The following NTRK3 variants were observed in gnomAD, a reference collection of about 807,000 sequenced individuals.
NTRK3 encodes the protein NT-3 growth factor receptor.
A neutral mutation model predicts 91.7 loss-of-function variants in NTRK3; 24 were observed. That is an observed-to-expected ratio of 0.26 (90% CI 0.19 to 0.37). The LOEUF is 0.37. Ranked by LOEUF, NTRK3 falls within the 10% of genes least tolerant of loss-of-function variation. The pLI is 1.00. For synonymous variants in NTRK3, 483 were observed against 404.0 expected, an observed-to-expected ratio of 1.20 and a Z score of -2.34; for missense variants, 880 against 1,068.9, an observed-to-expected ratio of 0.82 and a Z score of 2.46.
chr15:88,130,077 C>G (rs1184636394), intron 10 of NTRK3, among the ~76,000 whole-genome samples: 1 of 152,220 alleles, frequency 6.6e-6, no homozygotes, highest in Non-Finnish European at 1.5e-5. Flanking sequence ...CCTGCCAACA[C>G]CTTTATCTCA....
chr15:88,121,588 G>A (rs143972988), intron 13 of NTRK3, among the ~76,000 whole-genome samples: 1 of 152,312 alleles, frequency 6.6e-6, no homozygotes, highest in African/African-American at 2.4e-5. Flanking sequence ...TTGTTAAAAT[G>A]CTGAAATATT....
At chr15:88,155,196 C>A (rs961461679) in intron 5 of NTRK3, among the ~76,000 whole-genome samples, 2 of 152,116 alleles carry the variant, frequency 1.3e-5, no homozygotes, top group African/African-American at 4.8e-5. Flanking sequence ...CCCATGGTCC[C>A]AAGGTAATCA....
intron 13 of NTRK3, among the ~76,000 whole-genome samples, chr15:88,085,649 G>C (rs1350747014): frequency 1.3e-5 from 2 of 152,192 alleles, no homozygotes; most frequent in East Asian, 3.9e-4. Flanking sequence ...TTACCCAGCA[G>C]TATGCAGTAA....
chr15:88,044,609 T>C (rs1172936158), intron 13 of NTRK3, among the ~76,000 whole-genome samples: 1 of 117,866 alleles, frequency 8.5e-6, no homozygotes, highest in African/African-American at 3.3e-5. Context: ...TACATAATCA[T>C]ACGGCCAAAA....
chr15:87,997,011 AAG>A (rs1369611801), intron 14 of NTRK3, among the ~76,000 whole-genome samples: 10 of 152,326 alleles, frequency 6.6e-5, no homozygotes, highest in African/African-American at 2.4e-4. Flanking sequence ...ATGAGGAGCA[AAG>A]AGTAAGATGT....
intron 14 of NTRK3, among the ~76,000 whole-genome samples, 190 bp from the exon 15 acceptor site, chr15:87,940,943 T>C (rs575870754): frequency 6.6e-6 from 1 of 152,272 alleles, no homozygotes; most frequent in South Asian, 2.1e-4. Context: ...TGGGCCAGAA[T>C]CAAATCTCAA....
intron 14 of NTRK3, among the ~76,000 whole-genome samples, chr15:87,949,283 T>C (rs1190899954): frequency 1.3e-5 from 2 of 151,950 alleles, no homozygotes; most frequent in African/African-American, 4.8e-5. Flanking sequence ...CAAGATCGTA[T>C]TGAACCAGGA....
intron 14 of NTRK3, among the ~76,000 whole-genome samples, chr15:87,967,658 G>A (rs1281499754): frequency 6.6e-6 from 1 of 152,134 alleles, no homozygotes; most frequent in Non-Finnish European, 1.5e-5. Context: ...TGTTCGTGCT[G>A]AGTCTCTTCA....
chr15:88,180,524 T>C (rs988602666), intron 5 of NTRK3, among the ~76,000 whole-genome samples: 8 of 152,052 alleles, frequency 5.3e-5, no homozygotes, highest in Admixed American at 5.2e-4. Context: ...TGAGGAAGAA[T>C]TACACTGATT....
chr15:87,962,644 A>C (rs1247214043), intron 14 of NTRK3, among the ~76,000 whole-genome samples: 1 of 152,148 alleles, frequency 6.6e-6, no homozygotes, highest in Admixed American at 6.5e-5. Context: ...AGCCCAGATC[A>C]GTGGGTTGGC....
chr15:87,899,885 G>A (rs545796863), intron 17 of NTRK3, among the ~76,000 whole-genome samples: 1 of 152,266 alleles, frequency 6.6e-6, no homozygotes, highest in South Asian at 2.1e-4. Flanking sequence ...TTTGATAAGG[G>A]CAAGGAGAAG....
chr15:88,134,287 A>G (rs1200833372), intron 10 of NTRK3, among the ~76,000 whole-genome samples: 2 of 152,202 alleles, frequency 1.3e-5, no homozygotes, highest in African/African-American at 2.4e-5. Context: ...CACTTTCACT[A>G]AACTCTTTTG....
chr15:87,894,774 C>T (rs1252288367), intron 17 of NTRK3, among the ~76,000 whole-genome samples: 1 of 152,204 alleles, frequency 6.6e-6, no homozygotes, highest in Non-Finnish European at 1.5e-5. Context: ...TTAGAAATAG[C>T]AGCCTGGTCT....
chr15:87,899,664 G>A (rs775808830), intron 17 of NTRK3, among the ~76,000 whole-genome samples: 2 of 152,158 alleles, frequency 1.3e-5, no homozygotes, highest in Non-Finnish European at 2.9e-5. Context: ...GGAACACTTT[G>A]CATATTTTAA....
At chr15:88,115,497 C>T (rs1055190683) in intron 13 of NTRK3, among the ~76,000 whole-genome samples, 1 of 152,222 alleles carries the variant, frequency 6.6e-6, no homozygotes, top group Non-Finnish European at 1.5e-5. Flanking sequence ...CGGACGCCCT[C>T]CTTGGGGCTT....
intron 13 of NTRK3, among the ~76,000 whole-genome samples, chr15:88,116,020 G>A (rs2052026079): frequency 6.6e-6 from 1 of 152,182 alleles, no homozygotes; most frequent in Non-Finnish European, 1.5e-5. Context: ...GACTGTCACA[G>A]CAGCTCAAGG....
chr15:88,147,370 C>A lies in NTRK3; in HGVS notation c.429G>T (p.Ser143=), dbSNP rs138266478. The change falls in exon 6 of 19, where the codon TCG becomes TCT. Residue 143 remains serine (S), a synonymous_variant. Transcript: ENST00000394480. ...GACTCAGCGTCTGGAAGAGCTGCCACGAGAGTGTGGTGAGCCGGTTACTTG... is the reference window on the plus strand; with the variant it reads ...GACTCAGCGTCTGGAAGAGCTGCCAAGAGAGTGTGGTGAGCCGGTTACTTG... 7 of 1,613,786 alleles carry A rather than the reference C, an allele frequency of 4.3e-6. 1 individual carries two copies. In the Admixed American group the frequency reaches 1.2e-4, roughly 27 times the overall value.
intron 14 of NTRK3, among the ~76,000 whole-genome samples, chr15:87,996,487 G>T (rs534306905): frequency 8.5e-5 from 13 of 152,124 alleles, no homozygotes; most frequent in African/African-American, 2.4e-4. Context: ...TTAAACATAG[G>T]GGGTGGGAGA....
chr15:87,948,170 C>G (rs905680583), intron 14 of NTRK3, among the ~76,000 whole-genome samples: 27 of 152,190 alleles, frequency 1.8e-4, no homozygotes, highest in Admixed American at 1.2e-3. Context: ...GTAGGGGTCT[C>G]CAGCCAACCC....
Sources: allele counts gnomAD v4.1 joint callset (sites outside exome capture counted in the v4.1 genomes callset), GRCh38; gene constraint gnomAD v4.1.1; transcripts MANE v1.5; gene names NCBI Gene and HGNC (gene_info 2026-07-23, HGNC 2026-07-21).